The following ZRSR2 variants were observed in gnomAD, a reference collection of about 807,000 sequenced individuals.
ZRSR2 encodes the protein U2 small nuclear ribonucleoprotein auxiliary factor 35 kDa subunit-related protein 2.
Under a neutral mutation model 39.4 loss-of-function variants are expected in ZRSR2, and 3 were observed. The ratio of observed to expected loss-of-function variants is 0.08; its 90% confidence interval spans 0.03 to 0.20. ZRSR2 has a LOEUF of 0.20. Among genes scored for constraint, ZRSR2 ranks in the 10% least tolerant of loss-of-function variants. ZRSR2 has a pLI of 1.00. For synonymous variants in ZRSR2, 137 were observed against 136.0 expected, an observed-to-expected ratio of 1.01 and a Z score of -0.05; for missense variants, 256 against 391.5, an observed-to-expected ratio of 0.65 and a Z score of 2.92.
intron 2 of ZRSR2, among the ~76,000 whole-genome samples, chrX:15,797,838 A>G (rs760584847): frequency 9.0e-6 from 1 of 111,552 alleles, no homozygotes. Context: ...ACTGTTAGCA[A>G]TCACTTCTGT....
intron 3 of ZRSR2, 141 bp from the exon 4 acceptor site, chrX:15,803,547 C>A: frequency 2.6e-6 from 2 of 764,080 alleles, no homozygotes; most frequent in Non-Finnish European, 3.7e-6. Context: ...CGTTCTCTTA[C>A]ACCCACTTGA....
At chrX:15,793,594 A>C (rs1414201236) in intron 2 of ZRSR2, among the ~76,000 whole-genome samples, 1 of 111,411 alleles carries the variant, frequency 9.0e-6, no homozygotes, top group Non-Finnish European at 1.9e-5. Context: ...GCTGGAGTGC[A>C]ATGGCACGAT....
intron 8 of ZRSR2, among the ~76,000 whole-genome samples, chrX:15,816,956 G>A (rs1393865151): frequency 9.0e-6 from 1 of 111,610 alleles, no homozygotes; most frequent in Non-Finnish European, 1.9e-5. Flanking sequence ...AACTGCTAAA[G>A]TGGAACTGCC....
chrX:15,796,938 C>T (rs1001342406), intron 2 of ZRSR2, among the ~76,000 whole-genome samples: 1 of 107,562 alleles, frequency 9.3e-6, no homozygotes, highest in Admixed American at 1.0e-4. Flanking sequence ...GGATTACAGG[C>T]GTGCACCACC....
rs1177698945 is a variant in ZRSR2 at position 15,803,195 on chromosome X, A to C, written c.204-493A>C. On this transcript the variant is annotated intron_variant, in intron 3 of 10. Transcript: ENST00000307771. ...GGAGAATCACTTGAACCCGGGAGGCAGAGGTTGCAGTGAGCCAAGATCATG... is the reference window on the plus strand; with the variant it reads ...GGAGAATCACTTGAACCCGGGAGGCCGAGGTTGCAGTGAGCCAAGATCATG... Among the ~76,000 whole-genome samples the C allele has an allele frequency of 5.4e-5, 6 of 110,694 alleles. No homozygotes were observed. In the Admixed American group the frequency reaches 5.8e-4, roughly 11 times the overall value.
At chrX:15,799,185 CAAAA>C (rs558406905) in intron 2 of ZRSR2, among the ~76,000 whole-genome samples, 1 of 74,333 alleles carries the variant, frequency 1.3e-5, no homozygotes, top group African/African-American at 4.8e-5. Flanking sequence ...ACTCCCGTCT[CAAAA>C]AAAAAAAAAA....
chrX:15,802,707 C>A (rs1013758521), intron 3 of ZRSR2, among the ~76,000 whole-genome samples: 6 of 111,174 alleles, frequency 5.4e-5, no homozygotes, highest in African/African-American at 2.0e-4. Context: ...GATCCGCCCG[C>A]CTCAGCCTCC....
At chrX:15,807,482 G>T (rs976663673) in intron 5 of ZRSR2, among the ~76,000 whole-genome samples, 3 of 107,781 alleles carry the variant, frequency 2.8e-5, no homozygotes, top group Admixed American at 1.0e-4. Flanking sequence ...TAGTGACGGG[G>T]TTTCACCGTC....
At chrX:15,813,851 T>C in intron 7 of ZRSR2, among the ~76,000 whole-genome samples, 1 of 111,446 alleles carries the variant, frequency 9.0e-6, no homozygotes, top group Non-Finnish European at 1.9e-5. Flanking sequence ...ATTTGGAAAA[T>C]AGAAAATTTC....
At chrX:15,805,902 C>T (rs1188557347) in intron 5 of ZRSR2, among the ~76,000 whole-genome samples, 1 of 96,309 alleles carries the variant, frequency 1.0e-5, no homozygotes, top group Non-Finnish European at 2.0e-5. Context: ...TGCACTCCAA[C>T]CTGGGCAATA....
chrX:15,808,690 C>G (rs1280266832), intron 6 of ZRSR2, among the ~76,000 whole-genome samples: 1 of 103,518 alleles, frequency 9.7e-6, no homozygotes, highest in Non-Finnish European at 2.0e-5. Flanking sequence ...GGTATGATCT[C>G]GGCTCACTGC....
intron 4 of ZRSR2, 121 bp from the exon 5 acceptor site, chrX:15,803,990 A>C (rs1327186002): frequency 2.0e-6 from 2 of 1,023,201 alleles, no homozygotes; most frequent in African/African-American, 3.9e-5. Flanking sequence ...TTAAAAAAAA[A>C]AAACAAAAAA....
chrX:15,823,123 C>T lies in ZRSR2; in HGVS notation c.1330C>T (p.Arg444Trp), dbSNP rs898394860. 3 of 1,203,342 alleles carry T rather than the reference C, an allele frequency of 2.5e-6. No individual in the cohort carries two copies. The highest frequency in any genetic ancestry group is 2.2e-5 in the Admixed American group (1 of 45,218). ...SRGRGSRSRS[R>W]SRSRRSRRSR... ...GGGCCGGGGCAGCCGGAGCCGGAGC[C>T]GGAGCCGGAGCCGCAGGAGCCGCCG... Residue 444 changes from arginine (R) to tryptophan (W), a missense_variant, in exon 11 of 11, where the codon CGG becomes TGG. By Grantham distance (101) the Arg-to-Trp change is moderately radical. Coordinates refer to ENST00000307771, the MANE Select transcript of ZRSR2 (RefSeq NM_005089.4).
intron 10 of ZRSR2, among the ~76,000 whole-genome samples, 164 bp downstream of exon 10, chrX:15,820,480 G>A (rs1307949674): frequency 4.5e-5 from 5 of 111,859 alleles, no homozygotes; most frequent in Non-Finnish European, 9.4e-5. Flanking sequence ...GTTTAGATCT[G>A]TAACCGACCT....
At chrX:15,814,289 T>C (rs1475155081) in intron 7 of ZRSR2, among the ~76,000 whole-genome samples, 1 of 111,586 alleles carries the variant, frequency 9.0e-6, no homozygotes, top group Non-Finnish European at 1.9e-5. Flanking sequence ...GTTTAAACTA[T>C]GAAAATAAAA....
At chrX:15,790,627 G>A in intron 1 of ZRSR2, 91 bp downstream of exon 1, 3 of 1,079,626 alleles carry the variant, frequency 2.8e-6, no homozygotes, top group Non-Finnish European at 3.7e-6. Flanking sequence ...GCTGGGCCAA[G>A]CTAAGTGAGC....
At chrX:15,813,065 C>T (rs532745806) in intron 7 of ZRSR2, among the ~76,000 whole-genome samples, 3 of 112,196 alleles carry the variant, frequency 2.7e-5, no homozygotes, top group South Asian at 3.7e-4. Context: ...ACATGCAATG[C>T]GGGGATTCTA....
intron 2 of ZRSR2, among the ~76,000 whole-genome samples, chrX:15,798,240 C>CT (rs1446802551): frequency 3.6e-5 from 4 of 112,263 alleles, no homozygotes; most frequent in African/African-American, 1.3e-4. Context: ...TGTAACATTT[C>CT]TTTAAGATTA....
intron 3 of ZRSR2, among the ~76,000 whole-genome samples, 179 bp downstream of exon 3, chrX:15,800,132 T>A (rs187582962): frequency 3.7e-4 from 41 of 111,056 alleles, no homozygotes; most frequent in Middle Eastern, 4.7e-3. Flanking sequence ...TTATTTTTTT[T>A]AAAAATGGAA....
Sources: gnomAD v4.1 joint callset for allele counts (sites outside exome capture counted in the v4.1 genomes callset) on GRCh38, gnomAD v4.1.1 for gene constraint, MANE v1.5 for transcripts, NCBI Gene and HGNC (gene_info 2026-07-23, HGNC 2026-07-21) for gene names.